The following SSU72L1 variants were observed in gnomAD, a reference collection of about 807,000 sequenced individuals.
The protein encoded by SSU72L1 is RNA polymerase II subunit A C-terminal domain phosphatase SSU72 like protein 1.
the SSU72L1 span, among the ~76,000 whole-genome samples, chr11:4,338,459 T>C: frequency 2.0e-5 from 3 of 152,166 alleles, no homozygotes; most frequent in Non-Finnish European, 1.5e-5. Flanking sequence ...CAAGCATTTT[T>C]CAGTGCTTTT....
chr11:4,338,390 C>G, the SSU72L1 span, among the ~76,000 whole-genome samples: 10 of 151,886 alleles, frequency 6.6e-5, no homozygotes, highest in Non-Finnish European at 1.3e-4. Context: ...GGCTAGCTTT[C>G]TTGTAGAATG....
chr11:4,339,316 A>G, the SSU72L1 span: 1 of 539,024 alleles, frequency 1.9e-6, no homozygotes, highest in South Asian at 2.9e-5. Context: ...CGAGGAGACG[A>G]CCACCTATAT....
the SSU72L1 span, among the ~76,000 whole-genome samples, chr11:4,338,311 TAAAC>T: frequency 2.7e-5 from 4 of 150,384 alleles, no homozygotes; most frequent in Non-Finnish European, 4.4e-5. Context: ...TGAATACCCT[TAAAC>T]AAATCATTTT....
chr11:4,338,434 C>A, the SSU72L1 span, among the ~76,000 whole-genome samples: 32 of 152,250 alleles, frequency 2.1e-4, no homozygotes, highest in South Asian at 4.1e-4. Flanking sequence ...CCATGTAATG[C>A]ACCTAGCACA....
At chr11:4,339,081 TA>T in the SSU72L1 span, 2 of 623,378 alleles carry the variant, frequency 3.2e-6, no homozygotes, top group South Asian at 2.0e-5. Flanking sequence ...TGCAAAATCG[TA>T]AACTACAGGA....
At chr11:4,338,903 A>C in the SSU72L1 span, 1 of 600,004 alleles carries the variant, frequency 1.7e-6, no homozygotes, top group Non-Finnish European at 2.9e-6. Flanking sequence ...TGTCATAGAC[A>C]CTCTCCTCAC....
the SSU72L1 span, among the ~76,000 whole-genome samples, chr11:4,338,424 C>T: frequency 1.3e-5 from 2 of 152,048 alleles, no homozygotes; most frequent in African/African-American, 2.4e-5. Flanking sequence ...ATTAGTTATG[C>T]CATGTAATGC....
chr11:4,339,286 C>T, the SSU72L1 span: 946 of 530,910 alleles, frequency 1.8e-3, 4 homozygotes, highest in Middle Eastern at 8.3e-3. Flanking sequence ...GGCACCTCAG[C>T]TGCTGCAGGG....
the SSU72L1 span, chr11:4,338,991 A>C: frequency 2.5e-6 from 1 of 397,450 alleles, no homozygotes. Flanking sequence ...ATTTCTTCCC[A>C]AGATGTGTAG....
chr11:4,338,465 C>T, the SSU72L1 span, among the ~76,000 whole-genome samples: 1 of 152,100 alleles, frequency 6.6e-6, no homozygotes, highest in African/African-American at 2.4e-5. Context: ...TTTTTCAGTG[C>T]TTTTAAAAAT....
At chr11:4,338,273 G>T in the SSU72L1 span, among the ~76,000 whole-genome samples, 14 of 149,160 alleles carry the variant, frequency 9.4e-5, no homozygotes, top group African/African-American at 3.5e-4. Flanking sequence ...TTTAAAAGGT[G>T]CTTATCTATA....
chr11:4,338,534 T>C, the SSU72L1 span: 20 of 555,114 alleles, frequency 3.6e-5, no homozygotes, highest in South Asian at 2.7e-4. Flanking sequence ...TTCCAGGTGA[T>C]GTGTACAAAA....
chr11:4,338,928 T>A, the SSU72L1 span: 1 of 571,770 alleles, frequency 1.7e-6, no homozygotes, highest in Admixed American at 3.2e-5. Context: ...GAAGATGACA[T>A]CAAAGAAATC....
chr11:4,338,418 G>A, the SSU72L1 span, among the ~76,000 whole-genome samples: 85 of 152,070 alleles, frequency 5.6e-4, no homozygotes, highest in African/African-American at 2.0e-3. Context: ...CATGAAATTA[G>A]TTATGCCATG....
chr11:4,338,435 AC>A, the SSU72L1 span, among the ~76,000 whole-genome samples: 1 of 152,144 alleles, frequency 6.6e-6, no homozygotes, highest in Non-Finnish European at 1.5e-5. Context: ...CATGTAATGC[AC>A]CTAGCACAAT....
chr11:4,338,988 C>T, the SSU72L1 span: 3 of 408,566 alleles, frequency 7.3e-6, 1 homozygote, highest in Middle Eastern at 8.8e-4. Flanking sequence ...CTCATTTCTT[C>T]CCAAGATGTG....
the SSU72L1 span, chr11:4,338,838 A>C: frequency 2.7e-6 from 2 of 754,056 alleles, no homozygotes; most frequent in Non-Finnish European, 4.8e-6. Context: ...CATGTTGATC[A>C]CGTGCACAGG....
chr11:4,338,794 C>T, the SSU72L1 span: 3 of 740,342 alleles, frequency 4.1e-6, no homozygotes, highest in Middle Eastern at 3.6e-4. Flanking sequence ...AGGAAAGCTC[C>T]CAGGGTGGCA....
chr11:4,339,020 G>GC, the SSU72L1 span: 1 of 506,326 alleles, frequency 2.0e-6, no homozygotes. Flanking sequence ...TGCGGGTGTA[G>GC]CGTTCTCTAT....
Sources: gnomAD v4.1 joint callset for allele counts (sites outside exome capture counted in the v4.1 genomes callset) on GRCh38, gnomAD v4.1.1 for gene constraint, MANE v1.5 for transcripts, NCBI Gene and HGNC (gene_info 2026-07-23, HGNC 2026-07-21) for gene names.